Variants in PDE4D observed in about 807,000 individuals in gnomAD.
PDE4D encodes phosphodiesterase 4D, also known as 3',5'-cyclic-AMP phosphodiesterase 4D.
In PDE4D, 24 loss-of-function variants were observed where a neutral mutation model predicts 87.4. The ratio of observed to expected loss-of-function variants is 0.27; its 90% CI spans 0.20 to 0.39. The LOEUF is 0.39. PDE4D is among the 10% of genes least tolerant of loss of function. The pLI, the probability that PDE4D is intolerant of heterozygous loss-of-function variation, is 1.00. For synonymous variants in PDE4D, 384 were observed against 383.2 expected (o/e 1.00, Z -0.02); for missense variants, 714 against 1,041.0 (o/e 0.69, Z 4.32).
At chr5:59,406,538 G>A (rs191478547) in intron 1 of PDE4D, among the ~76,000 whole-genome samples, 8 of 151,844 alleles carry the variant, frequency 5.3e-5, no homozygotes, top group South Asian at 2.1e-4. Context: ...TTACAGGCAC[G>A]TGCCACCACG....
At chr5:59,356,581 C>T (rs938771310) in intron 1 of PDE4D, among the ~76,000 whole-genome samples, 5 of 152,152 alleles carry the variant, frequency 3.3e-5, no homozygotes, top group African/African-American at 1.2e-4. Context: ...TCAACTTCTG[C>T]ACGTACCTAC....
At chr5:59,406,656 G>A (rs1304883044) in intron 1 of PDE4D, among the ~76,000 whole-genome samples, 2 of 152,058 alleles carry the variant, frequency 1.3e-5, no homozygotes, top group Non-Finnish European at 2.9e-5. Context: ...CCAAAGTGCT[G>A]GGATTACAGG....
chr5:59,326,131 G>A (rs1201336937), intron 1 of PDE4D, among the ~76,000 whole-genome samples: 1 of 152,028 alleles, frequency 6.6e-6, no homozygotes, highest in African/African-American at 2.4e-5. Flanking sequence ...GTGGGAGGAG[G>A]GGGAAGGGAT....
chr5:59,369,923 C>A (rs979618704), intron 1 of PDE4D, among the ~76,000 whole-genome samples: 1 of 152,194 alleles, frequency 6.6e-6, no homozygotes, highest in African/African-American at 2.4e-5. Context: ...CTCCCTTGAA[C>A]TCCTCAAGCT....
At chr5:59,753,575 T>C (rs551280427) in intron 1 of PDE4D, among the ~76,000 whole-genome samples, 1 of 152,204 alleles carries the variant, frequency 6.6e-6, no homozygotes, top group East Asian at 1.9e-4. Context: ...CAGTTGGAAT[T>C]GAACAGAGGA....
At chr5:59,777,909 C>CA (rs912911834) in intron 1 of PDE4D, among the ~76,000 whole-genome samples, 49 of 150,366 alleles carry the variant, frequency 3.3e-4, no homozygotes, top group East Asian at 1.2e-3. Context: ...TTAGATGAGA[C>CA]AAAAAAAAGA....
At chr5:59,619,018 T>C (rs1270238933) in intron 1 of PDE4D, among the ~76,000 whole-genome samples, 2 of 152,322 alleles carry the variant, frequency 1.3e-5, no homozygotes, top group South Asian at 2.1e-4. Context: ...TATTTTGTTA[T>C]AGCAACACAG....
chr5:60,124,466 AAT>A (rs1491220777), intron 2 of PDE4D, among the ~76,000 whole-genome samples: 3 of 113,842 alleles, frequency 2.6e-5, no homozygotes, highest in Admixed American at 1.9e-4. Flanking sequence ...CTTTGAAAAA[AAT>A]AATAGCAAAT....
intron 2 of PDE4D, among the ~76,000 whole-genome samples, chr5:60,087,733 G>A (rs1421425103): frequency 1.3e-5 from 2 of 151,868 alleles, no homozygotes; most frequent in African/African-American, 4.8e-5. Context: ...TAAAAAAAGA[G>A]TAAAGAAGAA....
chr5:60,038,136 C>T (rs1768024627), intron 2 of PDE4D, among the ~76,000 whole-genome samples: 1 of 152,092 alleles, frequency 6.6e-6, no homozygotes, highest in Non-Finnish European at 1.5e-5. Context: ...TAATTAGATC[C>T]TATTTGTCAA....
chr5:59,932,831 G>A (rs529639993), intron 3 of PDE4D, among the ~76,000 whole-genome samples: 1 of 152,248 alleles, frequency 6.6e-6, no homozygotes, highest in African/African-American at 2.4e-5. Context: ...CAACAAAATT[G>A]GGAAATCTAT....
chr5:59,046,819 A>G (rs1760783295), intron 5 of PDE4D, among the ~76,000 whole-genome samples: 1 of 152,210 alleles, frequency 6.6e-6, no homozygotes, highest in South Asian at 2.1e-4. Flanking sequence ...TGTCCAAAAA[A>G]TTGGAGTTTG....
chr5:59,349,179 C>G (rs1383058979), intron 1 of PDE4D, among the ~76,000 whole-genome samples: 4 of 152,170 alleles, frequency 2.6e-5, no homozygotes, highest in Non-Finnish European at 5.9e-5. Context: ...TGATTCAACT[C>G]TGTGTGCTTA....
intron 5 of PDE4D, among the ~76,000 whole-genome samples, chr5:59,086,021 C>G (rs1767614944): frequency 6.6e-6 from 1 of 152,118 alleles, no homozygotes; most frequent in Admixed American, 6.5e-5. Flanking sequence ...TGCAAGGGGT[C>G]CGTCTATACA....
Position 60,198,659 on chromosome 5 carries a change from C to T in PDE4D, c.-89-12972G>A, listed in dbSNP as rs769656789. On this transcript the variant is annotated intron_variant, in intron 1 of 16. Coordinates refer to the PDE4D transcript ENST00000502484. ...ATGTAAGCTTTTTATTACTTTGTCC[C>T]CTGATATGTCTTTAACACCAAGAGC... is the stretch of plus-strand genomic sequence containing the variant. 2.7e-4 allele frequency among the ~76,000 whole-genome samples: 41 copies of T among 151,518 alleles called. 1 individual carries two copies. The highest frequency in any genetic ancestry group is 5.6e-4 in the Non-Finnish European group (38 of 67,720).
intron 1 of PDE4D, among the ~76,000 whole-genome samples, chr5:60,337,671 C>T (rs1177941524): frequency 6.6e-6 from 1 of 151,898 alleles, no homozygotes; most frequent in Non-Finnish European, 1.5e-5. Flanking sequence ...TATCAGACGG[C>T]CCTCACACAT....
chr5:59,295,811 T>G (rs1768957902), intron 1 of PDE4D, among the ~76,000 whole-genome samples: 1 of 151,108 alleles, frequency 6.6e-6, no homozygotes, highest in South Asian at 2.1e-4. Flanking sequence ...GCTGGTGGTG[T>G]TAGGGAGTGA....
At chr5:60,300,488 G>T (rs1314904014) in intron 1 of PDE4D, among the ~76,000 whole-genome samples, 1 of 152,082 alleles carries the variant, frequency 6.6e-6, no homozygotes, top group African/African-American at 2.4e-5. Context: ...CCTATGTCCT[G>T]AATGGTAATG....
At chr5:60,139,709 C>G (rs1780361565) in intron 2 of PDE4D, among the ~76,000 whole-genome samples, 1 of 151,902 alleles carries the variant, frequency 6.6e-6, no homozygotes, top group Admixed American at 6.6e-5. Context: ...CTGTTTTTCT[C>G]AAACTATAAG....
Sources: gnomAD v4.1 joint callset for allele counts (sites outside exome capture counted in the v4.1 genomes callset) on GRCh38, gnomAD v4.1.1 for gene constraint, MANE v1.5 for transcripts, NCBI Gene and HGNC (gene_info 2026-07-23, HGNC 2026-07-21) for gene names.